Variants in PI4K2A observed in about 807,000 individuals in gnomAD.
PI4K2A encodes the protein phosphatidylinositol 4-kinase type 2 alpha.
In PI4K2A, 20 loss-of-function variants were observed where a neutral mutation model predicts 55.0. The ratio of observed to expected loss-of-function variants is 0.36; its 90% CI spans 0.26 to 0.53. PI4K2A has a LOEUF of 0.53. Among genes scored for constraint, PI4K2A ranks in the 20% least tolerant of loss-of-function variants. The probability of loss-of-function intolerance (pLI) is 0.91; values close to 1 mark genes in which losing one functional copy is unlikely to be tolerated. For synonymous variants in PI4K2A, 235 were observed against 258.5 expected (o/e 0.91, Z 0.87); for missense variants, 463 against 637.1 (o/e 0.73, Z 2.94).
chr10:97,666,663 T>C, intron 7 of PI4K2A, 92 bp downstream of exon 7: 3 of 1,091,262 alleles, frequency 2.7e-6, no homozygotes, highest in South Asian at 3.1e-5. Flanking sequence ...CAAGAGGAAA[T>C]GGCTAACACC....
rs552500818 is a variant in PI4K2A, at chr10:97,660,102, C to T, written c.923-2805C>T. Among the ~76,000 whole-genome samples the T allele has an allele frequency of 4.5e-4, 66 of 147,338 alleles. 1 individual carries two copies. In the East Asian group the frequency reaches 0.012, roughly 27 times the overall value. ...CTGCAACCTCCGCCTCCCGGGTTCA[C>T]GCCATTCTCCTGCCTCAGCCTCCCG... On this transcript the variant is annotated intron_variant, in intron 4 of 8. Transcript: ENST00000370631.
intron 1 of PI4K2A, among the ~76,000 whole-genome samples, chr10:97,644,979 C>T (rs2041498150): frequency 6.6e-6 from 1 of 151,942 alleles, no homozygotes; most frequent in South Asian, 2.1e-4. Flanking sequence ...TCAGTGGGGT[C>T]CAAGAACAGA....
intron 1 of PI4K2A, among the ~76,000 whole-genome samples, chr10:97,641,423 C>T (rs374499962): frequency 6.6e-6 from 1 of 152,066 alleles, no homozygotes; most frequent in East Asian, 1.9e-4. Context: ...AGATACGGGC[C>T]GGGGGCTCAG....
At chr10:97,662,914 C>T (rs1219101508) in exon 5 of PI4K2A, 7 of 1,604,944 alleles carry the variant, frequency 4.4e-6, no homozygotes, top group Non-Finnish European at 6.0e-6. Flanking sequence ...CAGATCGAGG[C>T]AATGACAACT....
At chr10:97,670,011 G>T (rs1033410476) in intron 8 of PI4K2A, among the ~76,000 whole-genome samples, 1 of 152,044 alleles carries the variant, frequency 6.6e-6, no homozygotes, top group African/African-American at 2.4e-5. Context: ...GGTTCAAGAA[G>T]TCCTCCCCCC....
At chr10:97,655,491 A>G (rs764671466) in intron 2 of PI4K2A, among the ~76,000 whole-genome samples, 62 of 152,172 alleles carry the variant, frequency 4.1e-4, no homozygotes, top group Non-Finnish European at 7.6e-4. Context: ...AGGAGATGAC[A>G]GTGTTAATCC....
At chr10:97,642,844 TTCCTTC>T (rs1564772250) in intron 1 of PI4K2A, among the ~76,000 whole-genome samples, 2,042 of 17,690 alleles carry the variant, frequency 0.12, 206 homozygotes, top group Admixed American at 0.16. Flanking sequence ...CCTTCCTTCC[TTCCTTC>T]CTTTCTTTCT....
chr10:97,658,617 T>C (rs905003413), intron 4 of PI4K2A, among the ~76,000 whole-genome samples: 1 of 152,230 alleles, frequency 6.6e-6, no homozygotes, highest in Non-Finnish European at 1.5e-5. Context: ...ACCACCATAC[T>C]GTTTTCCACA....
In PI4K2A at chr10:97,644,350, C is replaced by T. The variant is rs544464601; in HGVS notation, c.435+3173C>T. 7.5e-5 allele frequency among the ~76,000 whole-genome samples: 11 copies of T among 146,972 alleles called. 1 individual carries two copies. The South Asian group carries it at 2.4e-3, about 31-fold the overall frequency. On this transcript the variant is annotated intron_variant, in intron 1 of 8. Transcript: ENST00000370631. ...TGGGCGACAGAGTGAGACTCCGTCT[C>T]AAAAACAAAACAAAAGAAAAGAATT...
exon 9 of PI4K2A, chr10:97,676,015 A>G (rs960062808): frequency 6.6e-6 from 1 of 152,666 alleles, no homozygotes; most frequent in Non-Finnish European, 1.5e-5. Flanking sequence ...ATGTATTTAA[A>G]TCAACGCAAA....
chr10:97,661,851 A>ATTTTTTTT (rs11293508), intron 4 of PI4K2A, among the ~76,000 whole-genome samples: 2 of 126,032 alleles, frequency 1.6e-5, no homozygotes, highest in Non-Finnish European at 3.3e-5. Flanking sequence ...TTCAGGTTTG[A>ATTTTTTTT]TTTTTTTTTT....
chr10:97,655,468 C>A (rs539559765), intron 2 of PI4K2A, among the ~76,000 whole-genome samples: 1 of 151,766 alleles, frequency 6.6e-6, no homozygotes, highest in Non-Finnish European at 1.5e-5. Context: ...GGGCATTTGG[C>A]CTAATCTAAC....
At chr10:97,671,969 A>G (rs1477010022) in intron 8 of PI4K2A, among the ~76,000 whole-genome samples, 1 of 151,706 alleles carries the variant, frequency 6.6e-6, no homozygotes. Context: ...TTTACATTTT[A>G]CATTTATATC....
chr10:97,652,705 A>T (rs79231612), intron 2 of PI4K2A, among the ~76,000 whole-genome samples: 2,225 of 152,288 alleles, frequency 0.015, 40 homozygotes, highest in African/African-American at 0.049. Context: ...ACTATTGTGG[A>T]TATTTAACCA....
At chr10:97,660,223 G>T (rs549204343) in intron 4 of PI4K2A, among the ~76,000 whole-genome samples, 1 of 149,346 alleles carries the variant, frequency 6.7e-6, no homozygotes, top group Admixed American at 6.7e-5. Flanking sequence ...GGATGGTCTC[G>T]ATCTCCTGAC....
chr10:97,666,382 A>G (rs1458929813), intron 6 of PI4K2A, 56 bp from the exon 7 acceptor site: 6 of 1,562,256 alleles, frequency 3.8e-6, no homozygotes, highest in African/African-American at 1.4e-5. Context: ...TGGAGGACAC[A>G]GATGAGCAGG....
chr10:97,650,998 A>T lies in PI4K2A; in HGVS notation c.493A>T (p.Lys165Ter). ...AGAGCCCTATGGGCATCTTAATCCT[A>T]AGTGGACCAAGTGGCTGCAGAAGCT... The change falls in exon 2 of 9, where the codon AAG (lysine) becomes TAG (stop). Residue 165 changes from lysine to a stop codon, truncating the protein, a stop_gained. Transcript: ENST00000370631. LOFTEE classifies it high-confidence loss of function. 6.2e-7 allele frequency: 1 copy of T among 1,614,024 alleles called. No homozygotes were observed.
chr10:97,646,203 T>G (rs2135752717), intron 1 of PI4K2A, among the ~76,000 whole-genome samples: 1 of 151,808 alleles, frequency 6.6e-6, no homozygotes, highest in Non-Finnish European at 1.5e-5. Context: ...ACAAATGCTT[T>G]TTGGAGTCCT....
rs1176649512 is a variant in PI4K2A at position 97,656,041 on chromosome 10, G to A, written c.637-244G>A. The stretch of plus-strand genomic sequence containing the variant: ...GCACAGACTGGAGAATGTGAATTAA[G>A]GATTGTGGGAGATTTTAGTTGCCAG... On this transcript the variant is annotated intron_variant, in intron 2 of 8. Transcript: ENST00000370631. The surrounding 1 kb of genome is among the most constrained non-coding windows in gnomAD (Gnocchi z 4.5). Among the ~76,000 whole-genome samples the A allele has an allele frequency of 2.0e-5, 3 of 152,170 alleles. No homozygotes were observed. Among genetic ancestry groups the A allele is most frequent in the Admixed American group, 2.0e-4 (3 of 15,268 alleles).
Sources: gnomAD v4.1 joint callset for allele counts (sites outside exome capture counted in the v4.1 genomes callset) on GRCh38, gnomAD v4.1.1 for gene constraint, Gnocchi (gnomAD v3.1) non-coding constraint, MANE v1.5 for transcripts, NCBI Gene and HGNC (gene_info 2026-07-23, HGNC 2026-07-21) for gene names.